Variants in PAX5 observed in about 807,000 individuals in gnomAD.
PAX5 encodes paired box 5.
Under a neutral mutation model 43.7 loss-of-function variants are expected in PAX5, and 9 were observed. The ratio of observed to expected loss-of-function variants is 0.21; its 90% CI spans 0.12 to 0.36. The LOEUF (loss-of-function observed/expected upper bound fraction) is 0.36. Ranked by LOEUF, PAX5 falls within the 10% of genes least tolerant of loss-of-function variation. PAX5 has a pLI of 1.00. For missense variants in PAX5, 383 were observed against 532.7 expected (o/e 0.72, Z 2.77); for synonymous variants, 228 against 214.3 (o/e 1.06, Z -0.56).
chr9:36,958,931 C>A (rs1051850274), intron 6 of PAX5, among the ~76,000 whole-genome samples: 2 of 152,232 alleles, frequency 1.3e-5, no homozygotes, highest in African/African-American at 4.8e-5. Context: ...ACAGCAGCCA[C>A]CAGTATCCTG....
intron 5 of PAX5, among the ~76,000 whole-genome samples, chr9:36,981,349 C>T (rs370935670): frequency 1.3e-5 from 2 of 150,796 alleles, no homozygotes; most frequent in South Asian, 2.1e-4. Flanking sequence ...TTGTTCATTG[C>T]TGTGTCCCCA....
chr9:36,964,200 G>A (rs1180880046), intron 6 of PAX5, among the ~76,000 whole-genome samples: 17 of 152,108 alleles, frequency 1.1e-4, no homozygotes, highest in East Asian at 1.9e-4. Context: ...AGAAAGGCGC[G>A]AACCCGGGAG....
At chr9:36,924,918 G>C (rs1386818822) in intron 6 of PAX5, among the ~76,000 whole-genome samples, 13 of 151,964 alleles carry the variant, frequency 8.6e-5, no homozygotes, top group Admixed American at 8.5e-4. Flanking sequence ...TATGTGGGGA[G>C]TTTCCTCCAG....
chr9:36,880,192 C>T (rs1826278981), intron 8 of PAX5, among the ~76,000 whole-genome samples: 1 of 152,266 alleles, frequency 6.6e-6, no homozygotes, highest in South Asian at 2.1e-4. Flanking sequence ...GGGAGCCAGC[C>T]TAGCTAAGAT....
chr9:37,001,864 C>CA (rs1837893743), intron 5 of PAX5, among the ~76,000 whole-genome samples: 1 of 142,918 alleles, frequency 7.0e-6, no homozygotes, highest in Non-Finnish European at 1.5e-5. Flanking sequence ...TACAGGCTCC[C>CA]AGGGGGTCTT....
chr9:37,031,237 GGCGCTGGGACT>G (rs1840949253), intron 1 of PAX5, among the ~76,000 whole-genome samples: 1 of 152,198 alleles, frequency 6.6e-6, no homozygotes, highest in African/African-American at 2.4e-5. Flanking sequence ...GCAGGCCAGG[GGCGCTGGGACT>G]ACTCTCTCTC....
intron 6 of PAX5, among the ~76,000 whole-genome samples, chr9:36,925,200 C>T (rs7851671): frequency 0.56 from 85,371 of 151,934 alleles, 24,452 homozygotes; most frequent in East Asian, 0.74. Flanking sequence ...ATGGCAGCAG[C>T]GAGTCCAGGA....
chr9:36,886,648 T>A (rs891724619), intron 7 of PAX5, among the ~76,000 whole-genome samples: 1 of 152,182 alleles, frequency 6.6e-6, no homozygotes, highest in Non-Finnish European at 1.5e-5. Context: ...CTTCTAAACA[T>A]GCTATGACCT....
At chr9:36,965,416 C>T (rs1588100501) in intron 6 of PAX5, among the ~76,000 whole-genome samples, 1 of 152,296 alleles carries the variant, frequency 6.6e-6, no homozygotes, top group South Asian at 2.1e-4. Flanking sequence ...CCTCTCTGGA[C>T]CTTGGTTTTA....
At chr9:36,966,798 A>C in intron 5 of PAX5, 74 bp from the exon 6 acceptor site, 1 of 1,386,422 alleles carries the variant, frequency 7.2e-7, no homozygotes, top group East Asian at 2.3e-5. Flanking sequence ...TCAGACCCTG[A>C]GACTATGAAG....
At chr9:37,024,066 G>A (rs1044040826) in intron 1 of PAX5, among the ~76,000 whole-genome samples, 4 of 152,210 alleles carry the variant, frequency 2.6e-5, no homozygotes, top group African/African-American at 9.7e-5. Context: ...CTCCAGCTGT[G>A]CCAATGTGAA....
Position 36,837,726 on chromosome 9 carries a change from A to G in PAX5, c.*2834T>C. 1 of 233,454 alleles carries G rather than the reference A, an allele frequency of 4.3e-6. No individual in the cohort carries two copies. The highest frequency in any genetic ancestry group is 8.5e-6 in the Non-Finnish European group (1 of 118,134). 14.5% of individuals were successfully genotyped at this position (233,454 alleles called of 1,614,324 possible). On this transcript the variant is annotated 3_prime_UTR_variant, in exon 10 of 10. Transcript: ENST00000358127. ...CCCAGGAGTCAAGTGGTTGTCTCAC[A>G]AATACAAAACCAATCTGAGGACCAG...
intron 9 of PAX5, among the ~76,000 whole-genome samples, chr9:36,843,813 G>T (rs547539288): frequency 6.6e-6 from 1 of 152,332 alleles, no homozygotes; most frequent in Non-Finnish European, 1.5e-5. Context: ...TTGGGAGTGG[G>T]TGGCAAAGGC....
In PAX5 at chr9:36,941,744, C is replaced by T. The variant is rs545129235; in HGVS notation, c.781-18260G>A. Among the ~76,000 whole-genome samples, 19 of 139,622 alleles carry T rather than the reference C, an allele frequency of 1.4e-4. No homozygotes were observed. The South Asian group carries it at 3.9e-3, about 29-fold the overall frequency. 91.6% of individuals were successfully genotyped at this position (139,622 alleles called of 152,430 possible). The stretch of plus-strand genomic sequence containing the variant: ...CCACAAGTCAAGGTGATTCTGGTCA[C>T]GTCACAGGGAATGGGAAGCAAAGAA... On this transcript the variant is annotated intron_variant, in intron 6 of 9. Transcript: ENST00000358127.
At chr9:37,018,511 A>T (rs1190570567) in intron 2 of PAX5, among the ~76,000 whole-genome samples, 1 of 131,502 alleles carries the variant, frequency 7.6e-6, no homozygotes, top group African/African-American at 2.8e-5. Context: ...TAGCCACCAC[A>T]CATCGTACTC....
intron 8 of PAX5, among the ~76,000 whole-genome samples, chr9:36,854,287 G>A (rs954550917): frequency 6.6e-6 from 1 of 152,196 alleles, no homozygotes; most frequent in African/African-American, 2.4e-5. Flanking sequence ...GGCATCACAC[G>A]TAGCCACAGC....
intron 7 of PAX5, 36 bp downstream of exon 7, chr9:36,923,319 T>C (rs766164325): frequency 1.9e-6 from 3 of 1,594,790 alleles, no homozygotes; most frequent in African/African-American, 1.3e-5. Flanking sequence ...TCTCTCTCTC[T>C]CCCTCACTCA....
intron 8 of PAX5, among the ~76,000 whole-genome samples, chr9:36,880,137 G>C (rs1024442573): frequency 3.9e-5 from 6 of 152,242 alleles, no homozygotes; most frequent in African/African-American, 1.4e-4. Context: ...ATCGAATGTA[G>C]AATTCTGGGC....
At chr9:36,950,533 C>A (rs984438293) in intron 6 of PAX5, among the ~76,000 whole-genome samples, 1 of 152,172 alleles carries the variant, frequency 6.6e-6, no homozygotes, top group Non-Finnish European at 1.5e-5. Context: ...CTCTCAGCGA[C>A]AGAAGATTCC....
Sources: allele counts gnomAD v4.1 joint callset (sites outside exome capture counted in the v4.1 genomes callset), GRCh38; gene constraint gnomAD v4.1.1; transcripts MANE v1.5; gene names NCBI Gene and HGNC (gene_info 2026-07-23, HGNC 2026-07-21).